Variants in NCOR1 observed in about 807,000 individuals in gnomAD.
NCOR1 encodes protein phosphatase 1, regulatory subunit 109.
NCOR1 carries 63 observed loss-of-function variants against 288.1 expected under a neutral mutation model. That is an observed-to-expected ratio of 0.22 (90% CI 0.18 to 0.27). The LOEUF is 0.27. NCOR1 is among the 10% of genes least tolerant of loss of function. The pLI, the probability that NCOR1 is intolerant of heterozygous loss-of-function variation, is 1.00. For missense variants in NCOR1, 2,397 were observed against 3,019.2 expected, an observed-to-expected ratio of 0.79 and a Z score of 4.83; for synonymous variants, 1,007 against 1,065.9, an observed-to-expected ratio of 0.94 and a Z score of 1.08.
intron 3 of NCOR1, among the ~76,000 whole-genome samples, chr17:16,173,272 C>G (rs1410281376): frequency 6.6e-6 from 1 of 152,052 alleles, no homozygotes. Context: ...AAATCTCATT[C>G]AACACATAGA....
intron 27 of NCOR1, among the ~76,000 whole-genome samples, chr17:16,075,090 G>C (rs9905429): frequency 0.42 from 64,555 of 152,010 alleles, 15,521 homozygotes; most frequent in Middle Eastern, 0.57. Flanking sequence ...GGATGGTCTC[G>C]ATCTCCTGAC....
intron 19 of NCOR1, among the ~76,000 whole-genome samples, chr17:16,106,009 G>C (rs1362315121): frequency 6.6e-6 from 1 of 151,968 alleles, no homozygotes; most frequent in African/African-American, 2.4e-5. Flanking sequence ...CTGAGGCAGG[G>C]GAATTGCTTG....
In NCOR1 at chr17:16,080,452, G is replaced by A. The variant is rs778030452; in HGVS notation, c.3356C>T (p.Pro1119Leu). ...TTGGGCCCTGACCAACAGACCCTCA[G>A]GTTGTGAGTTTTGGCTTCGGGGAGA... ...EFSPRSQNSQ[P>L]EGLLVRAQHE... Residue 1119 changes from proline (P) to leucine (L), a missense_variant, in exon 25 of 46, where the codon CCT becomes CTT. Physicochemically the swap from Pro to Leu is moderately conservative, Grantham distance 98. Transcript: ENST00000268712. 3 of 1,614,142 alleles carry A rather than the reference G, an allele frequency of 1.9e-6. No individual in the cohort carries two copies. The highest frequency in any genetic ancestry group is 2.5e-6 in the Non-Finnish European group (3 of 1,180,044).
chr17:16,131,864 T>C (rs1454190059), intron 14 of NCOR1, among the ~76,000 whole-genome samples: 3 of 152,214 alleles, frequency 2.0e-5, no homozygotes, highest in African/African-American at 7.2e-5. Context: ...CCAGGGACTT[T>C]ACACACATAC....
intron 19 of NCOR1, among the ~76,000 whole-genome samples, chr17:16,102,067 A>C (rs1477489982): frequency 6.6e-6 from 1 of 152,222 alleles, no homozygotes; most frequent in Non-Finnish European, 1.5e-5. Context: ...AGAACGAACA[A>C]TAAAACTAAA....
At chr17:16,084,819 A>G (rs149713815) in intron 23 of NCOR1, among the ~76,000 whole-genome samples, 68 of 152,366 alleles carry the variant, frequency 4.5e-4, no homozygotes, top group African/African-American at 1.5e-3. Context: ...GAGACTGGTC[A>G]CATGCCTCAA....
intron 26 of NCOR1, among the ~76,000 whole-genome samples, chr17:16,077,001 G>T (rs558748369): frequency 2.0e-5 from 3 of 152,304 alleles, no homozygotes; most frequent in African/African-American, 7.2e-5. Context: ...ATTGGGCTAT[G>T]AAGTTTTGCC....
In NCOR1 at chr17:16,086,389, G is replaced by T. The variant is rs151259730; in HGVS notation, c.3070C>A (p.Leu1024Ile). 7 of 1,614,018 alleles carry T rather than the reference G, an allele frequency of 4.3e-6. No individual in the cohort carries two copies. The African/African-American group carries it at 8.0e-5, about 18-fold the overall frequency. Residue 1024 changes from leucine to isoleucine, a missense_variant, in exon 23 of 46, where the codon CTT becomes ATT. This residue lies in a region of NCOR1 where 1,872 missense variants were observed against 2,187.8 expected (regional missense o/e 0.86). Transcript: ENST00000268712. The stretch of plus-strand genomic sequence containing the variant: ...GGCCTGGTTGGTCGAGTTGTCGGAA[G>T]CCGAACGCCTTCAGGGAGATTAGTT... Reference protein sequence around the residue: ...VITNLPEGVRLPTTRPTRPPP... With the variant: ...VITNLPEGVRIPTTRPTRPPP...
intron 6 of NCOR1, among the ~76,000 whole-genome samples, chr17:16,155,391 A>C (rs370284585): frequency 3.4e-4 from 52 of 151,006 alleles, no homozygotes; most frequent in South Asian, 8.4e-4. Flanking sequence ...ACACACACAC[A>C]CCCACAAAGA....
Position 16,172,918 on chromosome 17 carries a change from GGACA to G in NCOR1, c.243-927_243-924del, listed in dbSNP as rs144998616. ...ACAGAATTGCTGGGTTTCATATTGA[GGACA>G]GACAATGAAATGAATGCTAAATTCT... On this transcript the variant is annotated intron_variant, in intron 3 of 45. Transcript: ENST00000268712. 8.9e-3 allele frequency among the ~76,000 whole-genome samples: 1,356 copies of G among 152,242 alleles called. 23 individuals carry two copies. The highest frequency in any genetic ancestry group is 0.031 in the African/African-American group (1,290 of 41,536).
At chr17:16,213,057 C>CAAAA (rs34419344) in intron 1 of NCOR1, among the ~76,000 whole-genome samples, 1 of 114,890 alleles carries the variant, frequency 8.7e-6, no homozygotes, top group South Asian at 3.0e-4. Context: ...ACCCTGTCTC[C>CAAAA]AAAAAAAAAA....
In NCOR1 at chr17:16,072,132, G is replaced by A. The variant is rs937074488; in HGVS notation, c.3895+13C>T. The A allele has an allele frequency of 8.9e-6, 14 of 1,578,258 alleles. No individual in the cohort carries two copies. In the African/African-American group the frequency reaches 1.6e-4, roughly 18 times the overall value. On this transcript the variant is annotated intron_variant, in intron 29 of 45. Coordinates refer to ENST00000268712, the MANE Select transcript of NCOR1 (RefSeq NM_006311.4). ...AGTTATAAATAAAAATGCAAAACAA[G>A]CAGAAAGTTTACCCTGCATTATGGA...
At chr17:16,073,621 G>A (rs1462159603) in intron 27 of NCOR1, 52 bp from the exon 28 acceptor site, 3 of 1,444,724 alleles carry the variant, frequency 2.1e-6, no homozygotes, top group African/African-American at 2.9e-5. Context: ...GGTATACAAT[G>A]TACAGTAAAT....
At chr17:16,208,267 C>T (rs1183162394) in intron 1 of NCOR1, among the ~76,000 whole-genome samples, 1 of 127,142 alleles carries the variant, frequency 7.9e-6, no homozygotes, top group African/African-American at 2.9e-5. Flanking sequence ...ACCACGTTGG[C>T]CAGAATGGTC....
rs539154183 is a variant in NCOR1 at position 16,080,210 on chromosome 17, T to A, written c.3401-146A>T. 6.3e-6 allele frequency: 5 copies of A among 799,934 alleles called. No individual in the cohort carries two copies. In the African/African-American group the frequency reaches 7.0e-5, roughly 11 times the overall value. 49.6% of individuals were successfully genotyped at this position (799,934 alleles called of 1,614,324 possible). A position where few individuals can be genotyped will look rare whatever the true frequency, so the allele number is the denominator to read the frequency against. ...CCATCATGTTTGTTTTATTAAAATG[T>A]ACTTCCAAAATAATACTAAAGAACT... On this transcript the variant is annotated intron_variant, in intron 25 of 45. Coordinates refer to ENST00000268712, the MANE Select transcript of NCOR1 (RefSeq NM_006311.4).
intron 42 of NCOR1, among the ~76,000 whole-genome samples, chr17:16,042,632 A>C (rs3785631): frequency 6.6e-6 from 1 of 152,004 alleles, no homozygotes; most frequent in Non-Finnish European, 1.5e-5. Context: ...AATTAGCAGA[A>C]TGGAAGGTAG....
At chr17:16,145,922 C>T (rs1369591959) in intron 10 of NCOR1, among the ~76,000 whole-genome samples, 4 of 152,136 alleles carry the variant, frequency 2.6e-5, no homozygotes, top group Non-Finnish European at 5.9e-5. Flanking sequence ...GGGAGGTGGA[C>T]ATGGGAGACT....
At chr17:16,183,230 C>CAAAAAAAAAAAAA (rs59665102) in intron 3 of NCOR1, among the ~76,000 whole-genome samples, 11 of 64,012 alleles carry the variant, frequency 1.7e-4, no homozygotes, top group East Asian at 4.1e-4. Flanking sequence ...AGCAATCAAA[C>CAAAAAAAAAAAAA]AAAAAAAAAA....
intron 15 of NCOR1, among the ~76,000 whole-genome samples, chr17:16,125,174 G>C (rs2073797273): frequency 6.6e-6 from 1 of 151,950 alleles, no homozygotes; most frequent in African/African-American, 2.4e-5. Context: ...GATCAGCCTG[G>C]GCAACATGGT....
Sources: gnomAD v4.1 joint callset for allele counts (sites outside exome capture counted in the v4.1 genomes callset) on GRCh38, gnomAD v4.1.1 for gene constraint, gnomAD v4.1.1 regional missense constraint, MANE v1.5 for transcripts, NCBI Gene and HGNC (gene_info 2026-07-23, HGNC 2026-07-21) for gene names.